Variants in COP1 observed in about 807,000 individuals in gnomAD.
COP1 encodes E3 ubiquitin-protein ligase COP1.
In COP1, 24 loss-of-function variants were observed where a neutral mutation model predicts 101.3. The ratio of observed to expected loss-of-function variants is 0.24; its 90% CI spans 0.17 to 0.33. The LOEUF is 0.33. Ranked by LOEUF, COP1 falls within the 10% of genes least tolerant of loss-of-function variation. The pLI, the probability that COP1 is intolerant of heterozygous loss-of-function variation, is 1.00. For synonymous variants in COP1, 347 were observed against 341.9 expected, an observed-to-expected ratio of 1.01 and a Z score of -0.17; for missense variants, 663 against 906.2, an observed-to-expected ratio of 0.73 and a Z score of 3.45.
At chr1:176,114,644 C>T (rs1685879562) in intron 9 of COP1, among the ~76,000 whole-genome samples, 1 of 151,762 alleles carries the variant, frequency 6.6e-6, no homozygotes, top group Non-Finnish European at 1.5e-5. Flanking sequence ...CTGGAGTACA[C>T]TGGCATGATC....
chr1:176,096,373 G>A lies in COP1; in HGVS notation c.1027-10483C>T, dbSNP rs536980035. 4.6e-5 allele frequency among the ~76,000 whole-genome samples: 7 copies of A among 152,056 alleles called. No homozygotes were observed. The East Asian group carries it at 5.8e-4, about 13-fold the overall frequency. ...AGGCTCAGGCTCAGGATGGTTGGGC[G>A]AATGGCAGCTCCCCACTCCCCTTAC... On this transcript the variant is annotated intron_variant, in intron 9 of 19. Transcript: ENST00000367669.
chr1:176,146,367 C>G (rs1407209238), intron 6 of COP1, among the ~76,000 whole-genome samples: 2 of 152,188 alleles, frequency 1.3e-5, no homozygotes, highest in Non-Finnish European at 1.5e-5. Flanking sequence ...TATTCAAACC[C>G]TTGTGCAATT....
chr1:176,136,222 C>A (rs1041293485), intron 7 of COP1, among the ~76,000 whole-genome samples: 1 of 151,866 alleles, frequency 6.6e-6, no homozygotes, highest in Admixed American at 6.6e-5. Flanking sequence ...GATGGCACTC[C>A]AAGAAAACTG....
intron 11 of COP1, among the ~76,000 whole-genome samples, chr1:176,076,543 C>A (rs978036299): frequency 1.6e-5 from 1 of 61,076 alleles, no homozygotes; most frequent in Admixed American, 1.8e-4. Flanking sequence ...AAATTAATGA[C>A]CTTACATCAC....
At chr1:176,054,716 A>T (rs985028091) in intron 11 of COP1, among the ~76,000 whole-genome samples, 4 of 152,086 alleles carry the variant, frequency 2.6e-5, no homozygotes, top group African/African-American at 9.7e-5. Flanking sequence ...CTCCTGTATC[A>T]ATCAATTTTT....
At chr1:176,123,844 G>T (rs1447111090) in intron 8 of COP1, among the ~76,000 whole-genome samples, 1 of 152,116 alleles carries the variant, frequency 6.6e-6, no homozygotes. Context: ...TCAAAAACAT[G>T]TCAGTAACAC....
At chr1:176,121,025 T>TTTA (rs766021904) in intron 8 of COP1, among the ~76,000 whole-genome samples, 8 of 151,992 alleles carry the variant, frequency 5.3e-5, no homozygotes, top group Non-Finnish European at 1.2e-4. Context: ...TGTACTCACA[T>TTTA]AAAATTAGAC....
intron 15 of COP1, among the ~76,000 whole-genome samples, chr1:175,999,733 T>G (rs534527046): frequency 5.3e-5 from 8 of 152,120 alleles, no homozygotes; most frequent in Non-Finnish European, 8.8e-5. Context: ...ACCACCACTG[T>G]ACAAGGGTTC....
At chr1:176,195,044 G>A (rs1016800546) in intron 1 of COP1, among the ~76,000 whole-genome samples, 8 of 150,804 alleles carry the variant, frequency 5.3e-5, no homozygotes, top group Admixed American at 1.3e-4. Flanking sequence ...CTGTGATCAC[G>A]CCACTGCACT....
At chr1:176,104,426 A>G (rs1342309001) in intron 9 of COP1, among the ~76,000 whole-genome samples, 2 of 152,196 alleles carry the variant, frequency 1.3e-5, no homozygotes, top group Non-Finnish European at 2.9e-5. Flanking sequence ...TATTCCTAAT[A>G]TAACAAAGTC....
At chr1:176,095,940 C>T (rs1328994396) in intron 9 of COP1, among the ~76,000 whole-genome samples, 2 of 152,130 alleles carry the variant, frequency 1.3e-5, no homozygotes, top group Non-Finnish European at 2.9e-5. Flanking sequence ...GCATTAAATC[C>T]AGGCCTTTGC....
chr1:176,038,811 C>T (rs922241492), intron 14 of COP1, among the ~76,000 whole-genome samples: 20 of 92,296 alleles, frequency 2.2e-4, no homozygotes, highest in Non-Finnish European at 3.7e-4. Flanking sequence ...GAGCTAGACT[C>T]CATCTCAAAA....
At chr1:176,182,757 A>G (rs1697958633) in intron 2 of COP1, among the ~76,000 whole-genome samples, 1 of 152,274 alleles carries the variant, frequency 6.6e-6, no homozygotes, top group Admixed American at 6.5e-5. Flanking sequence ...CCATACCTGT[A>G]TCAGCCCTGA....
At chr1:176,023,779 G>C (rs1373810270) in intron 15 of COP1, among the ~76,000 whole-genome samples, 1 of 151,218 alleles carries the variant, frequency 6.6e-6, no homozygotes, top group East Asian at 1.9e-4. Context: ...ATTGAATTAG[G>C]AATTTAAAAT....
intron 8 of COP1, among the ~76,000 whole-genome samples, chr1:176,123,072 T>C (rs898318380): frequency 6.6e-6 from 1 of 152,212 alleles, no homozygotes; most frequent in Non-Finnish European, 1.5e-5. Context: ...TTCCAACAAG[T>C]TGGAGTAGAT....
chr1:176,187,352 A>G (rs574842376), intron 1 of COP1, among the ~76,000 whole-genome samples: 2 of 152,170 alleles, frequency 1.3e-5, no homozygotes, highest in East Asian at 3.9e-4. Flanking sequence ...ACACATATAT[A>G]TACACATATA....
intron 18 of COP1, among the ~76,000 whole-genome samples, chr1:175,971,054 A>G (rs1653139862): frequency 6.6e-6 from 1 of 152,230 alleles, no homozygotes; most frequent in African/African-American, 2.4e-5. Flanking sequence ...AGATATATAG[A>G]AGACATTTCA....
intron 15 of COP1, among the ~76,000 whole-genome samples, chr1:176,021,632 T>C (rs1666766359): frequency 6.6e-6 from 1 of 152,166 alleles, no homozygotes; most frequent in African/African-American, 2.4e-5. Context: ...AATTGATTTA[T>C]CTCAAAAATC....
chr1:175,973,460 GT>G (rs1182355894), intron 18 of COP1, among the ~76,000 whole-genome samples: 4 of 152,106 alleles, frequency 2.6e-5, no homozygotes, highest in Non-Finnish European at 5.9e-5. Flanking sequence ...TTCAGAAAAT[GT>G]TGAATTTTAC....
Sources: gnomAD v4.1 joint callset for allele counts (sites outside exome capture counted in the v4.1 genomes callset) on GRCh38, gnomAD v4.1.1 for gene constraint, MANE v1.5 for transcripts, NCBI Gene and HGNC (gene_info 2026-07-23, HGNC 2026-07-21) for gene names.